ATF7IP2: variants seen among roughly 807,000 people sequenced by gnomAD.
The protein encoded by ATF7IP2 is activating transcription factor 7 interacting protein 2.
In ATF7IP2, 42 loss-of-function variants were observed where a neutral mutation model predicts 64.2. That is an observed-to-expected ratio of 0.65 (90% CI 0.51 to 0.85). The LOEUF (loss-of-function observed/expected upper bound fraction) is 0.85. Ranked by LOEUF, ATF7IP2 falls within the 40% of genes least tolerant of loss-of-function variation. ATF7IP2 has a pLI of 0.00. For missense variants in ATF7IP2, 933 were observed against 784.2 expected, an observed-to-expected ratio of 1.19 and a Z score of -2.27; for synonymous variants, 308 against 272.8, an observed-to-expected ratio of 1.13 and a Z score of -1.27.
At chr16:10,440,522 A>T in intron 8 of ATF7IP2, 60 bp downstream of exon 8, 1 of 957,680 alleles carries the variant, frequency 1.0e-6, no homozygotes, top group Admixed American at 3.0e-5. Context: ...TGGTTTGATT[A>T]GAAGAAATGA....
chr16:10,470,823 G>GTGTATA (rs1448477600), intron 9 of ATF7IP2, among the ~76,000 whole-genome samples: 186 of 143,880 alleles, frequency 1.3e-3, no homozygotes, highest in African/African-American at 4.1e-3. Flanking sequence ...ATGTGTGTGT[G>GTGTATA]TATATATATA....
intron 6 of ATF7IP2, among the ~76,000 whole-genome samples, chr16:10,436,627 TAA>T (rs1269174318): frequency 6.6e-6 from 1 of 152,146 alleles, no homozygotes; most frequent in Non-Finnish European, 1.5e-5. Flanking sequence ...GATATCAATA[TAA>T]GAGTTTAACG....
intron 3 of ATF7IP2, among the ~76,000 whole-genome samples, chr16:10,425,765 C>T (rs1037358490): frequency 2.6e-5 from 4 of 151,980 alleles, no homozygotes; most frequent in East Asian, 1.9e-4. Flanking sequence ...TGGTGCCACA[C>T]GCCTATAATC....
chr16:10,444,945 A>G (rs775666755), intron 8 of ATF7IP2, among the ~76,000 whole-genome samples: 18 of 152,238 alleles, frequency 1.2e-4, no homozygotes, highest in Admixed American at 3.3e-4. Context: ...GTGATCTACT[A>G]TTACTAATAG....
At chr16:10,392,245 G>C (rs903013022) in intron 1 of ATF7IP2, among the ~76,000 whole-genome samples, 2 of 151,606 alleles carry the variant, frequency 1.3e-5, no homozygotes, top group African/African-American at 4.8e-5. Flanking sequence ...CGCCATGTTG[G>C]TCAGGCTGGT....
chr16:10,456,984 T>C (rs1357442573), intron 8 of ATF7IP2, among the ~76,000 whole-genome samples: 1 of 152,180 alleles, frequency 6.6e-6, no homozygotes, highest in Non-Finnish European at 1.5e-5. Context: ...AACTCAACAA[T>C]TGGAAGAGCA....
chr16:10,444,605 AG>A, intron 8 of ATF7IP2, among the ~76,000 whole-genome samples: 1 of 152,274 alleles, frequency 6.6e-6, no homozygotes, highest in African/African-American at 2.4e-5. Context: ...TGTCTTTTTG[AG>A]GGGCAGTTTG....
intron 4 of ATF7IP2, among the ~76,000 whole-genome samples, chr16:10,429,615 C>G (rs2048174713): frequency 6.6e-6 from 1 of 152,096 alleles, no homozygotes; most frequent in Non-Finnish European, 1.5e-5. Context: ...TCCCAAAGTG[C>G]TAGGATTACA....
At position 10,431,444 on chromosome 16, in the gene ATF7IP2, C is replaced by A; in HGVS notation, c.824C>A (p.Thr275Asn). Reference sequence around the variant, plus strand: ...TCAACATGGCAGTCATCACTTGACACTAATAACAACAGTAAGTATATACTT... The same window carrying A: ...TCAACATGGCAGTCATCACTTGACAATAATAACAACAGTAAGTATATACTT... ...ADSTWQSSLD[T>N]NNNSHYQKKR... The change falls in exon 5 of 14, where the codon ACT (threonine) becomes AAT (asparagine). Residue 275 changes from threonine to asparagine, a missense_variant. By Grantham distance (65) the Thr-to-Asn change is moderately conservative. Coordinates refer to ENST00000562102, the MANE Select transcript of ATF7IP2 (RefSeq NM_001393719.1). 6.3e-7 allele frequency: 1 copy of A among 1,589,668 alleles called. No individual in the cohort carries two copies. Among genetic ancestry groups the A allele is most frequent in the South Asian group, 1.1e-5 (1 of 88,860 alleles).
At chr16:10,422,988 T>G (rs2048016229) in intron 3 of ATF7IP2, among the ~76,000 whole-genome samples, 1 of 152,236 alleles carries the variant, frequency 6.6e-6, no homozygotes, top group Non-Finnish European at 1.5e-5. Flanking sequence ...CTCACGCCTG[T>G]AATCCCAGCA....
intron 9 of ATF7IP2, among the ~76,000 whole-genome samples, chr16:10,458,044 A>G (rs2049242356): frequency 6.6e-6 from 1 of 152,232 alleles, no homozygotes; most frequent in Non-Finnish European, 1.5e-5. Context: ...AGGAAAACAT[A>G]CAATCAAAAA....
chr16:10,390,957 A>G (rs1270864155), intron 1 of ATF7IP2, among the ~76,000 whole-genome samples: 8 of 152,088 alleles, frequency 5.3e-5, no homozygotes, highest in African/African-American at 1.4e-4. Flanking sequence ...AAGCCTAGGA[A>G]TTTGAAGCCA....
chr16:10,479,958 C>CTTGTTTTTT (rs2050156190), intron 12 of ATF7IP2, among the ~76,000 whole-genome samples: 1 of 80,568 alleles, frequency 1.2e-5, no homozygotes, highest in Admixed American at 1.7e-4. Flanking sequence ...ACTGGAAATA[C>CTTGTTTTTT]TTTTTTTTTT....
chr16:10,410,855 A>G (rs529310231), intron 1 of ATF7IP2, among the ~76,000 whole-genome samples: 1 of 152,348 alleles, frequency 6.6e-6, no homozygotes, highest in Non-Finnish European at 1.5e-5. Context: ...GATTTGTCAT[A>G]GATGGCTTTT....
chr16:10,409,792 A>C (rs1297675964), intron 1 of ATF7IP2, among the ~76,000 whole-genome samples: 1 of 152,186 alleles, frequency 6.6e-6, no homozygotes. Context: ...ATTCTCCTAC[A>C]TGTGGCTTGC....
intron 1 of ATF7IP2, among the ~76,000 whole-genome samples, chr16:10,404,362 C>G (rs2047592344): frequency 6.6e-6 from 1 of 152,184 alleles, no homozygotes; most frequent in Non-Finnish European, 1.5e-5. Flanking sequence ...AAGCGATTCT[C>G]CTGCCTCAGC....
At position 10,433,667 on chromosome 16, in the gene ATF7IP2, A is replaced by G. The variant is rs770497574; in HGVS notation, c.960+18A>G. On this transcript the variant is annotated intron_variant, in intron 6 of 13. Coordinates refer to ENST00000562102, the MANE Select transcript of ATF7IP2 (RefSeq NM_001393719.1). ...TGGAACAGGTAAAATATTGGGGCTTAAATGGAACTTTTACTTTTGATTAGT... is the reference window on the plus strand; with the variant it reads ...TGGAACAGGTAAAATATTGGGGCTTGAATGGAACTTTTACTTTTGATTAGT... The G allele has an allele frequency of 6.2e-7, 1 of 1,611,114 alleles. No homozygotes were observed. Among genetic ancestry groups the G allele is most frequent in the Non-Finnish European group, 8.5e-7 (1 of 1,178,542 alleles).
At chr16:10,458,386 C>G (rs1158033184) in intron 9 of ATF7IP2, among the ~76,000 whole-genome samples, 1 of 152,108 alleles carries the variant, frequency 6.6e-6, no homozygotes, top group Non-Finnish European at 1.5e-5. Context: ...ATAAAAAGTG[C>G]TAGTGATGGA....
At chr16:10,471,395 G>C (rs545209301) in intron 9 of ATF7IP2, among the ~76,000 whole-genome samples, 7 of 152,240 alleles carry the variant, frequency 4.6e-5, no homozygotes, top group African/African-American at 1.4e-4. Flanking sequence ...GGGCATGGTG[G>C]CATATGCTTG....
Sources: allele counts gnomAD v4.1 joint callset (sites outside exome capture counted in the v4.1 genomes callset), GRCh38; gene constraint gnomAD v4.1.1; transcripts MANE v1.5; gene names NCBI Gene and HGNC (gene_info 2026-07-23, HGNC 2026-07-21).